The following ROR2 variants were observed in gnomAD, a reference collection of about 807,000 sequenced individuals.
ROR2 encodes the protein tyrosine-protein kinase transmembrane receptor ROR2.
In ROR2, 33 loss-of-function variants were observed where a neutral mutation model predicts 74.9. The ratio of observed to expected loss-of-function variants is 0.44; its 90% CI spans 0.33 to 0.59. The LOEUF is 0.59. ROR2 is among the 20% of genes least tolerant of loss of function. The probability of loss-of-function intolerance (pLI) is 0.02; values close to 1 mark genes in which losing one functional copy is unlikely to be tolerated. For synonymous variants in ROR2, 586 were observed against 558.7 expected (o/e 1.05, Z -0.69); for missense variants, 1,216 against 1,313.8 (o/e 0.93, Z 1.15).
chr9:91,763,255 G>A (rs540932606), intron 2 of ROR2, among the ~76,000 whole-genome samples: 1 of 152,222 alleles, frequency 6.6e-6, no homozygotes, highest in East Asian at 1.9e-4. Context: ...AAAGTAATCT[G>A]TACACCAAAC....
intron 5 of ROR2, among the ~76,000 whole-genome samples, chr9:91,734,829 T>C (rs938914178): frequency 1.3e-5 from 2 of 152,198 alleles, no homozygotes; most frequent in African/African-American, 4.8e-5. Flanking sequence ...GTCCTGATTG[T>C]GTGCAGGCAC....
chr9:91,800,444 G>A (rs936024147), intron 1 of ROR2, among the ~76,000 whole-genome samples: 4 of 152,202 alleles, frequency 2.6e-5, no homozygotes, highest in Admixed American at 6.5e-5. Flanking sequence ...CTTAGCCAAC[G>A]ATGGGAACAT....
At chr9:91,815,989 C>A (rs561317774) in intron 1 of ROR2, among the ~76,000 whole-genome samples, 1 of 152,300 alleles carries the variant, frequency 6.6e-6, no homozygotes, top group South Asian at 2.1e-4. Context: ...CTGTGCATCT[C>A]CTCTCTCAGA....
rs1297101695 is a variant in ROR2, at chr9:91,905,450, C to G, written c.97+44417G>C. ...ACACAAAGATGACAACACAACCCAA[C>G]ACACAACACATACCACACACAACAA... is the stretch of plus-strand genomic sequence containing the variant. On this transcript the variant is annotated intron_variant, in intron 1 of 8. Coordinates refer to ENST00000375708, the MANE Select transcript of ROR2 (RefSeq NM_004560.4). This position sits in a 1 kb window ranked among gnomAD's most constrained non-coding sequence, Gnocchi z 5.3. Among the ~76,000 whole-genome samples the G allele has an allele frequency of 6.6e-6, 1 of 151,922 alleles. No homozygotes were observed. The highest frequency in any genetic ancestry group is 6.6e-5 in the Admixed American group (1 of 15,246).
At chr9:91,775,648 C>A in intron 2 of ROR2, 93 bp downstream of exon 2, 1 of 1,199,514 alleles carries the variant, frequency 8.3e-7, no homozygotes, top group South Asian at 1.2e-5. Context: ...CCAGAGGACC[C>A]CCAGCGCCTT....
At chr9:91,934,860 T>C (rs1331739429) in intron 1 of ROR2, among the ~76,000 whole-genome samples, 1 of 152,166 alleles carries the variant, frequency 6.6e-6, no homozygotes. Context: ...TGCAAAACAA[T>C]GGAGTTTCCT....
chr9:91,819,867 T>C (rs777052957), intron 1 of ROR2, among the ~76,000 whole-genome samples: 7 of 152,032 alleles, frequency 4.6e-5, no homozygotes, highest in Non-Finnish European at 7.4e-5. Context: ...TGTGTATGTC[T>C]GTATTTGTGT....
In ROR2 at chr9:91,722,727, A is replaced by T. The variant is rs565418435; in HGVS notation, c.*935T>A. ...AGGGGCTGTAAAATGAATGGACCTC[A>T]TGTGCACGTGGTACAGAGAGAAGCA... On this transcript the variant is annotated 3_prime_UTR_variant, in exon 9 of 9. Coordinates refer to ENST00000375708, the MANE Select transcript of ROR2 (RefSeq NM_004560.4). The T allele has an allele frequency of 5.7e-6, 4 of 698,328 alleles. No individual in the cohort carries two copies. In the Admixed American group the frequency reaches 6.0e-5, roughly 10 times the overall value. The allele number at this position is 698,328 out of a possible 1,614,324, so 43.3% of individuals were successfully genotyped here. A position where few individuals can be genotyped will look rare whatever the true frequency, so the allele number is the denominator to read the frequency against.
rs1452552462 is a variant in ROR2 at position 91,949,884 on chromosome 9, G to A, written c.80C>T (p.Ser27Leu). The change falls in exon 1 of 9, where the codon TCA becomes TTA. Residue 27 changes from serine (S) to leucine (L), a missense_variant. Transcript: ENST00000375708. ...AVWAAAALLL[S>L]VSRTSGEVEV... The stretch of plus-strand genomic sequence containing the variant: ...GATCCTACCTGAAGTCCGGGACACT[G>A]AGAGCAGAAGCGCGGCGGCCGCCCA... 5 of 1,540,510 alleles carry A rather than the reference G, an allele frequency of 3.2e-6. No individual in the cohort carries two copies. The highest frequency in any genetic ancestry group is 4.4e-6 in the Non-Finnish European group (5 of 1,141,136).
intron 2 of ROR2, among the ~76,000 whole-genome samples, chr9:91,763,260 C>A (rs1485931915): frequency 6.6e-6 from 1 of 152,286 alleles, no homozygotes; most frequent in East Asian, 1.9e-4. Flanking sequence ...AATCTGTACA[C>A]CAAACCCCCA....
intron 1 of ROR2, among the ~76,000 whole-genome samples, chr9:91,833,261 C>T (rs143731637): frequency 6.6e-6 from 1 of 152,284 alleles, no homozygotes; most frequent in Non-Finnish European, 1.5e-5. Flanking sequence ...CTGCCGGATG[C>T]TCCCGACGCA....
At chr9:91,739,513 T>TAAAAA (rs71362359) in intron 4 of ROR2, among the ~76,000 whole-genome samples, 15 of 105,534 alleles carry the variant, frequency 1.4e-4, no homozygotes, top group Non-Finnish European at 1.7e-4. Flanking sequence ...TCTTTAAATT[T>TAAAAA]AAAAAAAAAA....
intron 2 of ROR2, among the ~76,000 whole-genome samples, chr9:91,772,066 C>G (rs1413906859): frequency 6.6e-6 from 1 of 152,214 alleles, no homozygotes; most frequent in Non-Finnish European, 1.5e-5. Flanking sequence ...TCTGGCTTTG[C>G]CAGGCCGACT....
At chr9:91,792,081 G>A (rs781435054) in intron 1 of ROR2, among the ~76,000 whole-genome samples, 2 of 151,972 alleles carry the variant, frequency 1.3e-5, no homozygotes, top group Non-Finnish European at 2.9e-5. Context: ...AAATTTAAGG[G>A]GCACAGCTAA....
intron 2 of ROR2, among the ~76,000 whole-genome samples, chr9:91,766,172 C>T (rs984336572): frequency 5.3e-5 from 8 of 152,214 alleles, no homozygotes; most frequent in South Asian, 2.1e-4. Context: ...ATGTGTGCCA[C>T]GGCCATGTGG....
intron 1 of ROR2, among the ~76,000 whole-genome samples, chr9:91,829,397 A>C (rs938517675): frequency 1.3e-5 from 2 of 151,838 alleles, no homozygotes; most frequent in South Asian, 2.1e-4. Context: ...CACACACACA[A>C]AAATTAGCTG....
intron 1 of ROR2, among the ~76,000 whole-genome samples, chr9:91,927,618 C>A (rs1034222980): frequency 1.5e-5 from 2 of 136,268 alleles, no homozygotes; most frequent in African/African-American, 5.6e-5. Context: ...TGTTGGAGTG[C>A]AGTGGTGCGA....
chr9:91,929,140 C>T lies in ROR2; in HGVS notation c.97+20727G>A, dbSNP rs374305080. On this transcript the variant is annotated intron_variant, in intron 1 of 8. Coordinates refer to ENST00000375708, the MANE Select transcript of ROR2 (RefSeq NM_004560.4). Reference sequence around the variant, plus strand: ...CAGTAAACCTCCACACCCGTATTTCCCCTAACACAGTCCCCAAAATAAAAG... The same window carrying T: ...CAGTAAACCTCCACACCCGTATTTCTCCTAACACAGTCCCCAAAATAAAAG... Among the ~76,000 whole-genome samples, 156 of 152,296 alleles carry T rather than the reference C, an allele frequency of 1.0e-3. 5 individuals carry two copies. The South Asian group carries it at 0.029, about 29-fold the overall frequency.
chr9:91,831,828 G>A (rs925122751), intron 1 of ROR2, among the ~76,000 whole-genome samples: 1 of 152,110 alleles, frequency 6.6e-6, no homozygotes, highest in Non-Finnish European at 1.5e-5. Context: ...AAATAAAAAA[G>A]CAAGGGAAGG....
Sources: gnomAD v4.1 joint callset for allele counts (sites outside exome capture counted in the v4.1 genomes callset) on GRCh38, gnomAD v4.1.1 for gene constraint, Gnocchi (gnomAD v3.1) non-coding constraint, MANE v1.5 for transcripts, NCBI Gene and HGNC (gene_info 2026-07-23, HGNC 2026-07-21) for gene names.